LAMA2: variants seen among roughly 807,000 people sequenced by gnomAD.
LAMA2 encodes laminin subunit alpha 2, also known as laminin subunit alpha-2.
LAMA2 carries 269 observed loss-of-function variants against 364.8 expected under a neutral mutation model. That is an observed-to-expected ratio of 0.74 (90% CI 0.67 to 0.82). The LOEUF (loss-of-function observed/expected upper bound fraction) is 0.82. Ranked by LOEUF, LAMA2 falls within the 40% of genes least tolerant of loss-of-function variation. The pLI, the probability that LAMA2 is intolerant of heterozygous loss-of-function variation, is 0.00. For missense variants in LAMA2, 3,807 were observed against 3,873.2 expected, an observed-to-expected ratio of 0.98 and a Z score of 0.45; for synonymous variants, 1,379 against 1,370.6, an observed-to-expected ratio of 1.01 and a Z score of -0.14.
chr6:129,058,852 T>C (rs1788677674), intron 2 of LAMA2, among the ~76,000 whole-genome samples: 1 of 152,142 alleles, frequency 6.6e-6, no homozygotes, highest in African/African-American at 2.4e-5. Context: ...AGCATAGATG[T>C]AGATATACCC....
chr6:129,221,183 A>T (rs1052759017), intron 12 of LAMA2, among the ~76,000 whole-genome samples: 2 of 151,690 alleles, frequency 1.3e-5, no homozygotes, highest in African/African-American at 4.8e-5. Flanking sequence ...TAAAAATTAA[A>T]AAAAAAGCCT....
intron 54 of LAMA2, among the ~76,000 whole-genome samples, chr6:129,480,157 GAACTATCTAA>G (rs1363396087): frequency 6.6e-6 from 1 of 152,092 alleles, no homozygotes; most frequent in Non-Finnish European, 1.5e-5. Flanking sequence ...AGTTTTATCT[GAACTATCTAA>G]AACTCCATGA....
At chr6:129,092,518 A>G (rs1774905952) in intron 3 of LAMA2, among the ~76,000 whole-genome samples, 1 of 152,224 alleles carries the variant, frequency 6.6e-6, no homozygotes, top group African/African-American at 2.4e-5. Context: ...TTCCAAATAT[A>G]TTAGAGATGG....
chr6:129,433,496 A>G (rs953022831), intron 41 of LAMA2, among the ~76,000 whole-genome samples: 1 of 152,142 alleles, frequency 6.6e-6, no homozygotes, highest in Non-Finnish European at 1.5e-5. Flanking sequence ...AGGTCCTTTC[A>G]AAAGTAATCA....
intron 40 of LAMA2, among the ~76,000 whole-genome samples, chr6:129,406,697 T>C (rs1332631449): frequency 6.6e-6 from 1 of 152,210 alleles, no homozygotes; most frequent in Non-Finnish European, 1.5e-5. Context: ...CTACATTATC[T>C]ATCAGATCAG....
At chr6:129,253,193 G>A (rs908155739) in intron 14 of LAMA2, among the ~76,000 whole-genome samples, 9 of 152,022 alleles carry the variant, frequency 5.9e-5, no homozygotes, top group South Asian at 4.1e-4. Context: ...AGCTCTTTAC[G>A]CTTCTCGTTT....
At chr6:128,948,818 C>T (rs1381248315) in intron 1 of LAMA2, among the ~76,000 whole-genome samples, 3 of 152,152 alleles carry the variant, frequency 2.0e-5, no homozygotes, top group Non-Finnish European at 4.4e-5. Flanking sequence ...ATGTGTGCTC[C>T]AGCTTTATCT....
At chr6:129,067,048 C>G (rs1330187138) in intron 3 of LAMA2, among the ~76,000 whole-genome samples, 1 of 152,148 alleles carries the variant, frequency 6.6e-6, no homozygotes, top group African/African-American at 2.4e-5. Context: ...ACAGGAAACA[C>G]AATAAAACAT....
chr6:129,295,791 ATATATATATGAGTGTG>A (rs1773137293), intron 20 of LAMA2, among the ~76,000 whole-genome samples: 2 of 52,400 alleles, frequency 3.8e-5, no homozygotes, highest in Admixed American at 2.4e-4. Flanking sequence ...GAGTAAATGT[ATATATATATGAGTGTG>A]TATATATATG....
intron 22 of LAMA2, among the ~76,000 whole-genome samples, chr6:129,306,347 GT>G (rs1554267308): frequency 8.0e-6 from 1 of 125,390 alleles, no homozygotes; most frequent in Admixed American, 8.6e-5. Context: ...CCAGAAAGGT[GT>G]TTTTTTTTTT....
At chr6:129,005,710 ATG>A (rs747533056) in intron 1 of LAMA2, among the ~76,000 whole-genome samples, 30 of 148,492 alleles carry the variant, frequency 2.0e-4, no homozygotes, top group Non-Finnish European at 2.4e-4. Context: ...TGGGGGAAAA[ATG>A]TGTGTGTGTG....
At chr6:129,283,665 T>C (rs1260548220) in intron 18 of LAMA2, among the ~76,000 whole-genome samples, 2 of 151,118 alleles carry the variant, frequency 1.3e-5, no homozygotes, top group East Asian at 3.9e-4. Context: ...ATCCTCAAGA[T>C]TCATACTAGA....
intron 23 of LAMA2, among the ~76,000 whole-genome samples, chr6:129,314,153 C>A (rs973415986): frequency 6.6e-6 from 1 of 152,106 alleles, no homozygotes; most frequent in Non-Finnish European, 1.5e-5. Flanking sequence ...GTAATCCCAC[C>A]ACTTTGGGAG....
intron 16 of LAMA2, among the ~76,000 whole-genome samples, chr6:129,268,256 G>C: frequency 6.6e-6 from 1 of 152,072 alleles, no homozygotes; most frequent in East Asian, 1.9e-4. Flanking sequence ...TTGTGGATCA[G>C]TGGATTTTTG....
At chr6:129,123,721 G>C (rs914313585) in intron 4 of LAMA2, among the ~76,000 whole-genome samples, 1 of 152,182 alleles carries the variant, frequency 6.6e-6, no homozygotes, top group African/African-American at 2.4e-5. Context: ...GTAGTTACCA[G>C]GGTCTGGGTT....
chr6:129,515,872 G>GAGCC (rs889487651), intron 64 of LAMA2, among the ~76,000 whole-genome samples: 1 of 152,070 alleles, frequency 6.6e-6, no homozygotes, highest in African/African-American at 2.4e-5. Context: ...GAGATCTCTT[G>GAGCC]AGCCCAGGAG....
rs1398796911 is a variant in LAMA2, at chr6:129,330,615, T to TTC, written c.4311+2203_4311+2204insTC. Among the ~76,000 whole-genome samples the TTC allele has an allele frequency of 2.5e-4, 38 of 149,260 alleles. 1 individual carries two copies. Among genetic ancestry groups the TTC allele is most frequent in the African/African-American group, 8.2e-4 (33 of 40,458 alleles). ...TGGTTTTTGTTTTTTTTTTTTTTTT[T>TTC]CCCACTGTGTCGTTTCTCTCTAGTT... On this transcript the variant is annotated intron_variant, in intron 29 of 64. Coordinates refer to ENST00000421865, the MANE Select transcript of LAMA2 (RefSeq NM_000426.4).
intron 43 of LAMA2, 101 bp downstream of exon 43, chr6:129,441,099 G>T (rs997263616): frequency 4.9e-6 from 5 of 1,016,822 alleles, no homozygotes; most frequent in Non-Finnish European, 7.6e-6. Context: ...CCTCATGGTG[G>T]TGTAGTCTGC....
chr6:129,077,908 C>A (rs913914078), intron 3 of LAMA2, among the ~76,000 whole-genome samples: 3 of 152,062 alleles, frequency 2.0e-5, no homozygotes, highest in Non-Finnish European at 2.9e-5. Flanking sequence ...ATTTTTAAGG[C>A]AGTGAAAATA....
Sources: allele counts gnomAD v4.1 joint callset (sites outside exome capture counted in the v4.1 genomes callset), GRCh38; gene constraint gnomAD v4.1.1; transcripts MANE v1.5; gene names NCBI Gene and HGNC (gene_info 2026-07-23, HGNC 2026-07-21).